Variants in SLC12A5 observed in about 807,000 individuals in gnomAD.
SLC12A5 encodes the protein solute carrier family 12 member 5, also known as K-Cl cotransporter 2.
SLC12A5 carries 18 observed loss-of-function variants against 124.0 expected under a neutral mutation model. The observed-to-expected ratio is 0.15, with a 90% CI of 0.10 to 0.22. The LOEUF (loss-of-function observed/expected upper bound fraction) is 0.22, where lower values mean the gene tolerates loss of function less well. Among genes scored for constraint, SLC12A5 ranks in the 10% least tolerant of loss-of-function variants. The pLI, the probability that SLC12A5 is intolerant of heterozygous loss-of-function variation, is 1.00. For synonymous variants in SLC12A5, 589 were observed against 568.0 expected (o/e 1.04, Z -0.53); for missense variants, 867 against 1,478.7 (o/e 0.59, Z 6.78).
At chr20:46,046,533 C>A (rs1235901609) in intron 14 of SLC12A5, 97 bp downstream of exon 14, 3 of 1,067,764 alleles carry the variant, frequency 2.8e-6, no homozygotes, top group East Asian at 2.4e-5. Flanking sequence ...TCTAAGGACC[C>A]CAAACCTGAA....
rs2084566594 is a variant in SLC12A5 at position 46,043,505 on chromosome 20, TCTC to T, written c.1238-127_1238-125del. ...GAGAAGCTAAGTAACATGTCCAAGG[TCTC>T]ACACAAGCCAGTATGTTAGGACTAG... On this transcript the variant is annotated intron_variant, in intron 9 of 25. Transcript: ENST00000243964. 174 of 1,186,254 alleles carry T rather than the reference TCTC, an allele frequency of 1.5e-4. 3 individuals are homozygous for T. In the South Asian group the frequency reaches 2.3e-3, roughly 16 times the overall value. 73.5% of individuals were successfully genotyped at this position (1,186,254 alleles called of 1,614,324 possible). A position where few individuals can be genotyped will look rare whatever the true frequency, so the allele number is the denominator to read the frequency against.
chr20:46,021,799 C>A, upstream of SLC12A5: 1 of 1,533,296 alleles, frequency 6.5e-7, no homozygotes, highest in Non-Finnish European at 8.7e-7. Context: ...CTCGCTGCCC[C>A]CCGCAGGGCC....
In SLC12A5 at chr20:46,035,534, A is replaced by C. The variant is rs1352410757; in HGVS notation, c.278A>C (p.Gln93Pro). 1 of 1,479,918 alleles carries C rather than the reference A, an allele frequency of 6.8e-7. No homozygotes were observed. The highest frequency in any genetic ancestry group is 2.9e-5 in the East Asian group (1 of 34,278). 91.7% of individuals were successfully genotyped at this position (1,479,918 alleles called of 1,614,324 possible). A position where few individuals can be genotyped will look rare whatever the true frequency, so the allele number is the denominator to read the frequency against. Residue 93 changes from glutamine (Q) to proline (P), a missense_variant and splice_region_variant, in exon 3 of 26, where the codon CAG (glutamine) becomes CCG (proline). Coordinates refer to ENST00000243964, the MANE Select transcript of SLC12A5 (RefSeq NM_020708.5). Reference sequence around the variant, plus strand: ...GAGGGTGGAAAAAAGAAGCCGGTGCAGGTGAGGACCTCGGGGGATGAGAAA... The same window carrying C: ...GAGGGTGGAAAAAAGAAGCCGGTGCCGGTGAGGACCTCGGGGGATGAGAAA... ...NNEGGKKKPV[Q>P]APRMGTFMGV...
At chr20:46,032,147 A>G (rs1175108868) in intron 1 of SLC12A5, among the ~76,000 whole-genome samples, 2 of 152,134 alleles carry the variant, frequency 1.3e-5, no homozygotes, top group Non-Finnish European at 2.9e-5. Context: ...GCCGCGTTAC[A>G]TAAGCGGCTG....
chr20:46,036,069 C>A, intron 4 of SLC12A5, 146 bp downstream of exon 4: 1 of 950,432 alleles, frequency 1.1e-6, no homozygotes, highest in Non-Finnish European at 1.5e-6. Context: ...TTAGGCCTGA[C>A]TGGTCCTTCC....
At position 46,057,284 on chromosome 20, in the gene SLC12A5, C is replaced by T. The variant is rs912083023; in HGVS notation, c.3240C>T (p.Asn1080=). ...TCAACATGCCTGGGCCTCCCCGCAA[C>T]CGCAATGGTGATGAAAACTGTATCC... ...VLLNMPGPPR[N]RNGDENYMEF... The change falls in exon 25 of 26, where the codon AAC becomes AAT. Residue 1080 remains asparagine (N), a synonymous_variant. Coordinates refer to ENST00000243964, the MANE Select transcript of SLC12A5 (RefSeq NM_020708.5). This position sits in a 1 kb window ranked among gnomAD's most constrained non-coding sequence, Gnocchi z 7.1. 1 of 1,614,204 alleles carries T rather than the reference C, an allele frequency of 6.2e-7. No homozygotes were observed. The highest frequency in any genetic ancestry group is 8.5e-7 in the Non-Finnish European group (1 of 1,180,040).
Position 46,049,613 on chromosome 20 carries a change from A to G in SLC12A5, c.2013-9A>G. 1 of 1,596,634 alleles carries G rather than the reference A, an allele frequency of 6.3e-7. No homozygotes were observed. ...GTATATGGATTATGTGACTCTGCAC[A>G]CTCTTCAGGCCACAGCTGCTGGTGC... On this transcript the variant is annotated splice_polypyrimidine_tract_variant and intron_variant, in intron 16 of 25. Transcript: ENST00000243964.
chr20:46,059,490 G>C lies in SLC12A5; in HGVS notation c.*1885G>C, dbSNP rs1049040999. On this transcript the variant is annotated 3_prime_UTR_variant, in exon 26 of 26. Coordinates refer to ENST00000243964, the MANE Select transcript of SLC12A5 (RefSeq NM_020708.5). ...ACCTCCCTCTGAACACCACAGCCAGGTCCTGCCTTCTGGGGGCCTGAATAT... is the reference window on the plus strand; with the variant it reads ...ACCTCCCTCTGAACACCACAGCCAGCTCCTGCCTTCTGGGGGCCTGAATAT... 5 of 398,778 alleles carry C rather than the reference G, an allele frequency of 1.3e-5. No homozygotes were observed. Among genetic ancestry groups the C allele is most frequent in the African/African-American group, 1.0e-4 (5 of 48,618 alleles). The allele number at this position is 398,778 out of a possible 1,614,324, so 24.7% of individuals were successfully genotyped here.
Position 46,047,479 on chromosome 20 carries a change from C to G in SLC12A5, c.1813C>G (p.Leu605Val). The G allele has an allele frequency of 6.2e-7, 1 of 1,614,068 alleles. No individual in the cohort carries two copies. Among genetic ancestry groups the G allele is most frequent in the Non-Finnish European group, 8.5e-7 (1 of 1,179,926 alleles). Residue 605 changes from leucine to valine, a missense_variant, in exon 15 of 26, where the codon CTC becomes GTC. Around this residue, in one of 9 missense-constraint regions of SLC12A5, gnomAD observed 152 missense variants for 358.7 expected, o/e 0.42. Coordinates refer to ENST00000243964, the MANE Select transcript of SLC12A5 (RefSeq NM_020708.5). ...GACCCTCTCCTTCCTGGGCATGAGC[C>G]TCTGCCTGGCCCTCATGTTCATCTG... ...HWTLSFLGMS[L>V]CLALMFICSW...
chr20:46,036,826 G>A (rs1016086554), intron 5 of SLC12A5, 31 bp downstream of exon 5: 1 of 1,613,424 alleles, frequency 6.2e-7, no homozygotes. Context: ...GGGGAGGGAG[G>A]ATGGCTGGGT....
chr20:46,051,544 C>T (rs1029043041), intron 17 of SLC12A5, 131 bp from the exon 18 acceptor site: 8 of 772,120 alleles, frequency 1.0e-5, no homozygotes, highest in East Asian at 5.9e-5. Context: ...CAGAGACTGA[C>T]GTGATCAGAG....
At chr20:46,039,775 C>CA (rs139698610) in intron 6 of SLC12A5, among the ~76,000 whole-genome samples, 8,678 of 144,554 alleles carry the variant, frequency 0.06, 276 homozygotes, top group South Asian at 0.13. Flanking sequence ...AACTTTATTT[C>CA]AAAAAAAAAA....
intron 1 of SLC12A5, among the ~76,000 whole-genome samples, chr20:46,034,119 T>C (rs1194137350): frequency 1.3e-5 from 2 of 152,158 alleles, no homozygotes; most frequent in East Asian, 3.9e-4. Context: ...CAGATCATAC[T>C]TCATTCCTCT....
At chr20:46,025,639 GC>G (rs2084391184), upstream of SLC12A5, among the ~76,000 whole-genome samples, 1 of 152,194 alleles carries the variant, frequency 6.6e-6, no homozygotes, top group Non-Finnish European at 1.5e-5. Flanking sequence ...CTGTTGGGGT[GC>G]TGTTGCTATG....
chr20:46,024,408 C>G (rs952155752), upstream of SLC12A5, among the ~76,000 whole-genome samples: 1 of 152,148 alleles, frequency 6.6e-6, no homozygotes. Context: ...AGCACCTCCT[C>G]TCTGGCAGAT....
intron 21 of SLC12A5, chr20:46,055,874 C>A: frequency 2.3e-6 from 1 of 437,500 alleles, no homozygotes; most frequent in South Asian, 2.6e-5. Flanking sequence ...GACCAGTGGA[C>A]TGAGGACTGA....
chr20:46,046,981 T>C (rs2084601541), intron 14 of SLC12A5, among the ~76,000 whole-genome samples: 1 of 152,224 alleles, frequency 6.6e-6, no homozygotes, highest in Non-Finnish European at 1.5e-5. Flanking sequence ...ATCATGCTTG[T>C]CCTACAAAAG....
upstream of SLC12A5, among the ~76,000 whole-genome samples, chr20:46,025,712 G>A (rs1390012796): frequency 2.0e-5 from 3 of 152,194 alleles, no homozygotes; most frequent in Non-Finnish European, 4.4e-5. Context: ...GGTGGTTGAC[G>A]TGCTCCGCAG....
At chr20:46,032,361 C>G (rs146445437) in intron 1 of SLC12A5, among the ~76,000 whole-genome samples, 1 of 152,240 alleles carries the variant, frequency 6.6e-6, no homozygotes, top group African/African-American at 2.4e-5. Context: ...GTCTGGTTGT[C>G]CTGGCCCTAA....
Sources: allele counts gnomAD v4.1 joint callset (sites outside exome capture counted in the v4.1 genomes callset), GRCh38; gene constraint gnomAD v4.1.1; regional missense constraint gnomAD v4.1.1; non-coding constraint Gnocchi (gnomAD v3.1); transcripts MANE v1.5; gene names NCBI Gene and HGNC (gene_info 2026-07-23, HGNC 2026-07-21).